The following STPG2 variants were observed in gnomAD, a reference collection of about 807,000 sequenced individuals.
The protein encoded by STPG2 is sperm-tail PG-rich repeat-containing protein 2.
Under a neutral mutation model 54.2 loss-of-function variants are expected in STPG2, and 56 were observed. That is an observed-to-expected ratio of 1.03 (90% CI 0.83 to 1.29). The LOEUF is 1.29. STPG2 is among the 50% of genes most tolerant of loss of function. STPG2 has a pLI of 0.00. For missense variants in STPG2, 596 were observed against 544.9 expected, an observed-to-expected ratio of 1.09 and a Z score of -0.93; for synonymous variants, 200 against 181.8, an observed-to-expected ratio of 1.10 and a Z score of -0.81.
chr4:97,802,891 T>TTGAAGTAAAAA (rs1259950168), intron 9 of STPG2, among the ~76,000 whole-genome samples: 20 of 152,240 alleles, frequency 1.3e-4, no homozygotes, highest in Non-Finnish European at 2.5e-4. Context: ...TAAAAAAAGA[T>TTGAAGTAAAAA]CAACTCAAGT....
chr4:98,068,896 G>A (rs1737916844), intron 5 of STPG2, among the ~76,000 whole-genome samples: 1 of 151,900 alleles, frequency 6.6e-6, no homozygotes, highest in Non-Finnish European at 1.5e-5. Flanking sequence ...TTGTGTATCT[G>A]AACATACCTA....
intron 8 of STPG2, among the ~76,000 whole-genome samples, chr4:97,853,778 A>G (rs1275650031): frequency 6.6e-6 from 1 of 152,014 alleles, no homozygotes; most frequent in African/African-American, 2.4e-5. Context: ...CGGAAGTGAT[A>G]CTGTTTTTAT....
Position 98,025,620 on chromosome 4 carries a change from A to G in STPG2, c.613-44302T>C, listed in dbSNP as rs1473802563. 17 of 766,286 alleles carry G rather than the reference A, an allele frequency of 2.2e-5. 1 individual carries two copies. Among genetic ancestry groups the G allele is most frequent in the Admixed American group, 5.1e-5 (3 of 58,512 alleles). 47.5% of individuals were successfully genotyped at this position (766,286 alleles called of 1,614,324 possible). ...AGGGATATAATAGTCTGTGCAGCAT[A>G]TGCACACGAACTGCCAAAATATGGT... On this transcript the variant is annotated intron_variant, in intron 5 of 10. Coordinates refer to ENST00000295268, the MANE Select transcript of STPG2 (RefSeq NM_174952.3).
intron 4 of STPG2, among the ~76,000 whole-genome samples, chr4:97,535,956 A>C (rs556974189): frequency 6.6e-6 from 1 of 152,024 alleles, no homozygotes; most frequent in Non-Finnish European, 1.5e-5. Context: ...TGAATAGTTT[A>C]TTTTGAATTT....
chr4:97,503,832 T>C (rs1296993007), intron 4 of STPG2, among the ~76,000 whole-genome samples: 2 of 106,830 alleles, frequency 1.9e-5, no homozygotes, highest in Non-Finnish European at 3.6e-5. Context: ...TTTAAAAATA[T>C]ATTTTCATAT....
At chr4:97,756,257 A>G (rs558483734) in intron 9 of STPG2, among the ~76,000 whole-genome samples, 1 of 152,312 alleles carries the variant, frequency 6.6e-6, no homozygotes, top group African/African-American at 2.4e-5. Flanking sequence ...TGAAAGAGAA[A>G]AAATGAGATT....
At chr4:98,106,696 T>A (rs1739198226) in intron 4 of STPG2, among the ~76,000 whole-genome samples, 1 of 152,164 alleles carries the variant, frequency 6.6e-6, no homozygotes, top group Non-Finnish European at 1.5e-5. Flanking sequence ...ATCTGGTGAT[T>A]GGAAACTGGT....
At chr4:97,786,715 G>C (rs1009088303) in intron 9 of STPG2, among the ~76,000 whole-genome samples, 1 of 151,792 alleles carries the variant, frequency 6.6e-6, no homozygotes, top group Non-Finnish European at 1.5e-5. Context: ...TGCTATACAG[G>C]CTAATATGCC....
intron 9 of STPG2, among the ~76,000 whole-genome samples, chr4:97,818,123 T>C (rs1344668266): frequency 6.6e-6 from 1 of 151,916 alleles, no homozygotes; most frequent in African/African-American, 2.4e-5. Flanking sequence ...TGTGAGCTTT[T>C]ATTGATTTAT....
chr4:97,454,166 G>T (rs529384598), intron 4 of STPG2, among the ~76,000 whole-genome samples: 1 of 152,084 alleles, frequency 6.6e-6, no homozygotes, highest in Non-Finnish European at 1.5e-5. Flanking sequence ...TGAAAAAGAA[G>T]CTTGCCAGGC....
intron 10 of STPG2, among the ~76,000 whole-genome samples, chr4:97,650,958 T>C (rs1215924201): frequency 6.6e-6 from 1 of 152,056 alleles, no homozygotes. Flanking sequence ...TGAGAATTTA[T>C]GCTTTGTAGG....
intron 10 of STPG2, among the ~76,000 whole-genome samples, chr4:97,632,478 T>C (rs1721321859): frequency 6.6e-6 from 1 of 152,092 alleles, no homozygotes; most frequent in Admixed American, 6.5e-5. Context: ...GAAATTCTAA[T>C]ACCTAATAAT....
At chr4:98,111,333 G>A (rs1307583976) in intron 3 of STPG2, among the ~76,000 whole-genome samples, 1 of 152,132 alleles carries the variant, frequency 6.6e-6, no homozygotes, top group Non-Finnish European at 1.5e-5. Flanking sequence ...CACCTTTGGA[G>A]ATGTGCACCA....
intron 8 of STPG2, among the ~76,000 whole-genome samples, chr4:97,920,971 A>G (rs1180077719): frequency 2.0e-5 from 3 of 152,250 alleles, no homozygotes; most frequent in African/African-American, 7.2e-5. Flanking sequence ...AACTTGAACA[A>G]CTGTCCACAA....
chr4:97,767,334 T>G (rs1347835872), intron 9 of STPG2, among the ~76,000 whole-genome samples: 1 of 152,164 alleles, frequency 6.6e-6, no homozygotes, highest in Non-Finnish European at 1.5e-5. Context: ...TTGATTTCAT[T>G]TTGTCCCATC....
intron 9 of STPG2, among the ~76,000 whole-genome samples, chr4:97,790,465 G>A (rs901686048): frequency 3.3e-5 from 5 of 152,112 alleles, no homozygotes; most frequent in Admixed American, 3.3e-4. Context: ...GCAGGTCTTT[G>A]TTCCTTTTCT....
At chr4:97,525,969 C>G (rs1410160303) in intron 4 of STPG2, among the ~76,000 whole-genome samples, 1 of 151,672 alleles carries the variant, frequency 6.6e-6, no homozygotes, top group South Asian at 2.1e-4. Context: ...CTTACAAATA[C>G]ATTTTTTCTA....
At chr4:98,069,024 C>T (rs930186797) in intron 5 of STPG2, among the ~76,000 whole-genome samples, 30 of 152,046 alleles carry the variant, frequency 2.0e-4, no homozygotes, top group African/African-American at 7.2e-4. Context: ...GGGTGACAAC[C>T]ACTTTATGCC....
At chr4:97,452,557 G>T (rs1306640536) in intron 4 of STPG2, among the ~76,000 whole-genome samples, 1 of 152,198 alleles carries the variant, frequency 6.6e-6, no homozygotes, top group South Asian at 2.1e-4. Flanking sequence ...GGCTCAGCCA[G>T]AGCTGAGCAG....
Sources: gnomAD v4.1 joint callset for allele counts (sites outside exome capture counted in the v4.1 genomes callset) on GRCh38, gnomAD v4.1.1 for gene constraint, MANE v1.5 for transcripts, NCBI Gene and HGNC (gene_info 2026-07-23, HGNC 2026-07-21) for gene names.